Variants in PTBP3 observed in about 807,000 individuals in gnomAD.
The protein encoded by PTBP3 is polypyrimidine tract-binding protein 3.
In PTBP3, 20 loss-of-function variants were observed where a neutral mutation model predicts 58.7. The observed-to-expected ratio is 0.34, with a 90% CI of 0.24 to 0.50. PTBP3 has a LOEUF of 0.50. PTBP3 is among the 20% of genes least tolerant of loss of function. The pLI is 0.98. For synonymous variants in PTBP3, 185 were observed against 219.8 expected, an observed-to-expected ratio of 0.84 and a Z score of 1.40; for missense variants, 509 against 637.2, an observed-to-expected ratio of 0.80 and a Z score of 2.17.
rs1835859156 is a variant in PTBP3 at position 112,245,956 on chromosome 9, G to C, written c.802+4973C>G. On this transcript the variant is annotated intron_variant, in intron 7 of 13. Coordinates refer to ENST00000374257, the MANE Select transcript of PTBP3 (RefSeq NM_001163788.4). Reference sequence around the variant, plus strand: ...ATCCTCTCAAAGTGCTGGGATTACAGGTGTGAGCCACTGTGCTCAGTCAAG... The same window carrying C: ...ATCCTCTCAAAGTGCTGGGATTACACGTGTGAGCCACTGTGCTCAGTCAAG... Among the ~76,000 whole-genome samples the C allele has an allele frequency of 2.0e-5, 3 of 152,150 alleles. No homozygotes were observed. The South Asian group carries it at 6.2e-4, about 32-fold the overall frequency.
chr9:112,275,757 T>C (rs924054074), intron 3 of PTBP3, 87 bp downstream of exon 3: 1 of 1,246,754 alleles, frequency 8.0e-7, no homozygotes, highest in African/African-American at 1.5e-5. Context: ...ATTTTAAAAA[T>C]ACAGAAAAGC....
In PTBP3 at chr9:112,325,540, T is replaced by C. The variant is rs76691836; in HGVS notation, c.-52+7930A>G. On this transcript the variant is annotated intron_variant, in intron 1 of 13. Coordinates refer to ENST00000374257, the MANE Select transcript of PTBP3 (RefSeq NM_001163788.4). ...TTGTGAGACAAGAACCTGGATTTAG[T>C]TGAACTAAGAAGCAAAAACCCCTGC... Among the ~76,000 whole-genome samples, 1,282 of 151,098 alleles carry C rather than the reference T, an allele frequency of 8.5e-3. 9 individuals carry two copies. The highest frequency in any genetic ancestry group is 0.014 in the Non-Finnish European group (984 of 67,928).
At chr9:112,315,259 T>C (rs923973540) in intron 1 of PTBP3, among the ~76,000 whole-genome samples, 2 of 150,372 alleles carry the variant, frequency 1.3e-5, no homozygotes, top group African/African-American at 4.9e-5. Context: ...GGGACCGAAA[T>C]GATACAAAAC....
chr9:112,253,736 A>G (rs376076796), intron 5 of PTBP3, among the ~76,000 whole-genome samples: 1 of 151,996 alleles, frequency 6.6e-6, no homozygotes. Flanking sequence ...TGATTGTTTA[A>G]AAGGGGCAGT....
intron 4 of PTBP3, among the ~76,000 whole-genome samples, chr9:112,265,906 A>T (rs556331181): frequency 6.6e-6 from 1 of 152,348 alleles, no homozygotes; most frequent in Admixed American, 6.5e-5. Context: ...TCCTAATAGA[A>T]ATAAGAACAA....
intron 7 of PTBP3, among the ~76,000 whole-genome samples, chr9:112,243,875 G>GAA (rs1835761238): frequency 6.6e-6 from 1 of 152,132 alleles, no homozygotes; most frequent in Admixed American, 6.5e-5. Context: ...TAGAAAGAAA[G>GAA]AGAAATGCAG....
upstream of PTBP3, among the ~76,000 whole-genome samples, chr9:112,337,983 C>T (rs1449705867): frequency 6.6e-6 from 1 of 152,134 alleles, no homozygotes. Flanking sequence ...ATGACAAATA[C>T]AAAATCATCA....
intron 4 of PTBP3, among the ~76,000 whole-genome samples, chr9:112,264,163 C>G (rs560880055): frequency 9.9e-5 from 15 of 152,224 alleles, no homozygotes; most frequent in African/African-American, 3.6e-4. Flanking sequence ...ATGTATACTT[C>G]ATGTAAAATT....
chr9:112,377,242 C>A, the PTBP3 span, among the ~76,000 whole-genome samples: 1 of 152,198 alleles, frequency 6.6e-6, no homozygotes, highest in Admixed American at 6.5e-5. Context: ...GTGGCACATG[C>A]CCGTGGTCCT....
rs1470407790 is a variant in PTBP3 at position 112,223,863 on chromosome 9, T to C, written c.1563A>G (p.Lys521=). The change falls in exon 14 of 14, where the codon AAA becomes AAG. Residue 521 remains lysine, a synonymous_variant. Coordinates refer to ENST00000374257, the MANE Select transcript of PTBP3 (RefSeq NM_001163788.4). ...ATTCACAGAAAAGTCAGATTGTAGA[T>C]TTTGAGAAGGAAACTCTGAGGTGGT... ...ENHHLRVSFS[K]STI 1.2e-6 allele frequency: 2 copies of C among 1,613,478 alleles called. No homozygotes were observed. Among genetic ancestry groups the C allele is most frequent in the South Asian group, 1.1e-5 (1 of 91,056 alleles).
chr9:112,312,652 C>T (rs1829538832), intron 1 of PTBP3, among the ~76,000 whole-genome samples: 1 of 151,578 alleles, frequency 6.6e-6, no homozygotes, highest in Admixed American at 6.6e-5. Flanking sequence ...TTGTACTCTT[C>T]TTATAATCTT....
chr9:112,290,623 G>A lies in PTBP3; in HGVS notation c.34+7209C>T, dbSNP rs867130971. On this transcript the variant is annotated intron_variant, in intron 2 of 13. Coordinates refer to ENST00000374257, the MANE Select transcript of PTBP3 (RefSeq NM_001163788.4). ...GGAGGCGGAGGTTGCAGTGAGCCGA[G>A]ACCACGCCACTGCATTCCAGCCTGG... 5.9e-4 allele frequency among the ~76,000 whole-genome samples: 88 copies of A among 148,182 alleles called. No individual in the cohort carries two copies. In the Middle Eastern group the frequency reaches 0.014, roughly 24 times the overall value.
At chr9:112,228,712 T>C (rs1835089184) in intron 10 of PTBP3, among the ~76,000 whole-genome samples, 1 of 152,014 alleles carries the variant, frequency 6.6e-6, no homozygotes, top group South Asian at 2.1e-4. Context: ...CCCCCTTTCC[T>C]CTCCCCACTC....
intron 7 of PTBP3, among the ~76,000 whole-genome samples, chr9:112,250,688 G>A (rs1272857369): frequency 6.6e-6 from 1 of 152,132 alleles, no homozygotes; most frequent in Non-Finnish European, 1.5e-5. Flanking sequence ...TTTAAAGAAT[G>A]AGTAATATCA....
chr9:112,330,311 A>T, intron 1 of PTBP3: 2 of 658,828 alleles, frequency 3.0e-6, no homozygotes, highest in Non-Finnish European at 5.1e-6. Flanking sequence ...CCTCAGGTCT[A>T]CTTATTTTGG....
At chr9:112,267,684 G>T (rs1009461786) in intron 4 of PTBP3, among the ~76,000 whole-genome samples, 1 of 152,014 alleles carries the variant, frequency 6.6e-6, no homozygotes, top group African/African-American at 2.4e-5. Context: ...TTTTATTAAG[G>T]TGTTAAATTC....
chr9:112,298,424 G>A (rs186699667), intron 1 of PTBP3: 135 of 306,384 alleles, frequency 4.4e-4, no homozygotes, highest in African/African-American at 2.8e-3. Flanking sequence ...TTAAACAATT[G>A]TTTAAGTAAT....
chr9:112,337,966 C>T (rs1830589941), upstream of PTBP3, among the ~76,000 whole-genome samples: 1 of 152,182 alleles, frequency 6.6e-6, no homozygotes, highest in African/African-American at 2.4e-5. Context: ...TAATATCATT[C>T]TATCCCATGA....
chr9:112,323,065 T>C lies in PTBP3; in HGVS notation c.-52+10405A>G, dbSNP rs78818642. On this transcript the variant is annotated intron_variant, in intron 1 of 13. Transcript: ENST00000374257. The stretch of plus-strand genomic sequence containing the variant: ...GCATTCAACACCAGACTCAGCAACA[T>C]AGAGAAACCCAGTCTCCACAAAAAA... 8.6e-3 allele frequency among the ~76,000 whole-genome samples: 1,310 copies of C among 152,214 alleles called. 23 individuals are homozygous for C. Among genetic ancestry groups the C allele is most frequent in the African/African-American group, 0.03 (1,249 of 41,542 alleles).
Sources: allele counts gnomAD v4.1 joint callset (sites outside exome capture counted in the v4.1 genomes callset), GRCh38; gene constraint gnomAD v4.1.1; transcripts MANE v1.5; gene names NCBI Gene and HGNC (gene_info 2026-07-23, HGNC 2026-07-21).